The following FZD6 variants were observed in gnomAD, a reference collection of about 807,000 sequenced individuals.
The protein encoded by FZD6 is frizzled-6.
Under a neutral mutation model 61.4 loss-of-function variants are expected in FZD6, and 49 were observed. That is an observed-to-expected ratio of 0.80 (90% CI 0.63 to 1.01). FZD6 has a LOEUF of 1.01. FZD6 is among the 50% of genes least tolerant of loss of function. FZD6 has a pLI of 0.00. For synonymous variants in FZD6, 265 were observed against 292.2 expected, an observed-to-expected ratio of 0.91 and a Z score of 0.95; for missense variants, 724 against 848.2, an observed-to-expected ratio of 0.85 and a Z score of 1.82.
At chr8:103,312,590 T>G (rs1217426304) in intron 2 of FZD6, among the ~76,000 whole-genome samples, 1 of 152,200 alleles carries the variant, frequency 6.6e-6, no homozygotes, top group Non-Finnish European at 1.5e-5. Context: ...ATGAGTCATG[T>G]TAGATTTGGT....
In FZD6 at chr8:103,305,358, A is replaced by G. The variant is rs370837343; in HGVS notation, c.177+5074A>G. On this transcript the variant is annotated intron_variant, in intron 2 of 6. Transcript: ENST00000358755. ...ACAACTTTCCTTTCCACCTGTTAAT[A>G]TGTGCTGTTAGAATGTCTCTATTCA... is the stretch of plus-strand genomic sequence containing the variant. Among the ~76,000 whole-genome samples, 45 of 152,356 alleles carry G rather than the reference A, an allele frequency of 3.0e-4. 1 individual carries two copies. The highest frequency in any genetic ancestry group is 1.1e-3 in the African/African-American group (45 of 41,582).
At chr8:103,309,273 A>G (rs1344888639) in intron 2 of FZD6, among the ~76,000 whole-genome samples, 3 of 152,208 alleles carry the variant, frequency 2.0e-5, no homozygotes, top group Non-Finnish European at 4.4e-5. Flanking sequence ...GTTGGCAAAG[A>G]TATGCTGCTG....
At chr8:103,311,729 C>A (rs1175087244) in intron 2 of FZD6, among the ~76,000 whole-genome samples, 1 of 148,468 alleles carries the variant, frequency 6.7e-6, no homozygotes, top group Non-Finnish European at 1.5e-5. Flanking sequence ...GAGAAAATTT[C>A]ACCATAGCAC....
chr8:103,318,349 GTTTGT>G (rs1814688533), intron 2 of FZD6, among the ~76,000 whole-genome samples: 2 of 152,156 alleles, frequency 1.3e-5, no homozygotes, highest in Non-Finnish European at 2.9e-5. Flanking sequence ...ACAATGTGGA[GTTTGT>G]TGGTGACTCT....
At chr8:103,323,298 T>C (rs1814846058) in intron 3 of FZD6, among the ~76,000 whole-genome samples, 1 of 151,396 alleles carries the variant, frequency 6.6e-6, no homozygotes, top group South Asian at 2.1e-4. Flanking sequence ...TTAAAAGATA[T>C]AAAGCAAAAT....
intron 3 of FZD6, among the ~76,000 whole-genome samples, chr8:103,322,448 G>A (rs571516680): frequency 2.0e-5 from 3 of 151,564 alleles, no homozygotes; most frequent in Admixed American, 1.3e-4. Flanking sequence ...GGACCTTTCC[G>A]TGATAGTGAA....
At position 103,300,058 on chromosome 8, in the gene FZD6, C is replaced by A; in HGVS notation, c.-50C>A. ...TTTGGATGGGGATCTTCTGAGGATG[C>A]AAAGAGTGATTCATCCAAGCCATGT... On this transcript the variant is annotated 5_prime_UTR_variant, in exon 2 of 7. Transcript: ENST00000358755. 9.4e-7 allele frequency: 1 copy of A among 1,062,510 alleles called. No homozygotes were observed. Among genetic ancestry groups the A allele is most frequent in the Non-Finnish European group, 1.5e-6 (1 of 677,446 alleles). 65.8% of individuals were successfully genotyped at this position (1,062,510 alleles called of 1,614,324 possible).
chr8:103,318,014 C>T (rs1465244508), intron 2 of FZD6, among the ~76,000 whole-genome samples: 3 of 152,076 alleles, frequency 2.0e-5, no homozygotes, highest in African/African-American at 7.2e-5. Context: ...TGCCCATTAA[C>T]AGCCAAATGG....
At chr8:103,320,478 G>C (rs1010435081) in intron 3 of FZD6, among the ~76,000 whole-genome samples, 1 of 152,136 alleles carries the variant, frequency 6.6e-6, no homozygotes, top group African/African-American at 2.4e-5. Context: ...AGGATAATGA[G>C]AAGGGTGTTA....
Position 103,328,409 on chromosome 8 carries a change from A to AAG in FZD6, c.1541_1541+1dup. On this transcript the variant is annotated frameshift_variant, in exon 5 of 7. Transcript: ENST00000358755. LOFTEE classifies it high-confidence loss of function. ...GGCTGGGTTTTTTAAACGAAATCGC[A>AAG]AGAGAGAGTAAGAAACTATTGAATT... The AAG allele has an allele frequency of 6.2e-7, 1 of 1,609,666 alleles. No homozygotes were observed. Among genetic ancestry groups the AAG allele is most frequent in the Non-Finnish European group, 8.5e-7 (1 of 1,176,042 alleles).
Position 103,328,280 on chromosome 8 carries a change from G to A in FZD6, c.1405G>A (p.Ala469Thr). Reference protein sequence around the residue: ...IPCPYQAKAKARPELALFMIK... With the variant: ...IPCPYQAKAKTRPELALFMIK... ...CTATTTTTTGTAGGCAAAAGCAAAA[G>A]CTCGACCAGAATTGGCTTTATTTAT... Residue 469 changes from alanine (A) to threonine (T), a missense_variant, in exon 5 of 7, where the codon GCT (alanine) becomes ACT (threonine). Coordinates refer to ENST00000358755, the MANE Select transcript of FZD6 (RefSeq NM_003506.4). 6.2e-7 allele frequency: 1 copy of A among 1,611,222 alleles called. No homozygotes were observed. The highest frequency in any genetic ancestry group is 2.2e-5 in the East Asian group (1 of 44,790).
intron 2 of FZD6, among the ~76,000 whole-genome samples, chr8:103,303,629 C>G (rs931285233): frequency 6.6e-6 from 1 of 152,122 alleles, no homozygotes; most frequent in Non-Finnish European, 1.5e-5. Context: ...AATAAGGTAG[C>G]AAAGGGAATT....
chr8:103,331,585 C>T lies in FZD6; in HGVS notation c.*76C>T. 1 of 990,986 alleles carries T rather than the reference C, an allele frequency of 1.0e-6. No homozygotes were observed. The highest frequency in any genetic ancestry group is 1.9e-5 in the Admixed American group (1 of 52,048). 61.4% of individuals were successfully genotyped at this position (990,986 alleles called of 1,614,324 possible). A position where few individuals can be genotyped will look rare whatever the true frequency, so the allele number is the denominator to read the frequency against. On this transcript the variant is annotated 3_prime_UTR_variant, in exon 7 of 7. Coordinates refer to ENST00000358755, the MANE Select transcript of FZD6 (RefSeq NM_003506.4). The stretch of plus-strand genomic sequence containing the variant: ...GACCTATGCACTGTTTTGTAAGAAT[C>T]ACTGTTACATTCTTCTTTTGCACTT...
chr8:103,300,086 TA>T lies in FZD6; in HGVS notation c.-18del. Reference sequence around the variant, plus strand: ...AGAGTGATTCATCCAAGCCATGTGGTAAAATCAGGAATTTGAAGAAAATGGA... The same window carrying T: ...AGAGTGATTCATCCAAGCCATGTGGTAAATCAGGAATTTGAAGAAAATGGA... On this transcript the variant is annotated 5_prime_UTR_variant, in exon 2 of 7. The change abolishes the stop of an existing upstream ORF in the 5' untranslated region. Transcript: ENST00000358755. 6.8e-7 allele frequency: 1 copy of T among 1,474,512 alleles called. No individual in the cohort carries two copies. Among genetic ancestry groups the T allele is most frequent in the Non-Finnish European group, 9.5e-7 (1 of 1,052,428 alleles). 91.3% of individuals were successfully genotyped at this position (1,474,512 alleles called of 1,614,324 possible).
intron 2 of FZD6, among the ~76,000 whole-genome samples, chr8:103,308,125 C>T (rs571531683): frequency 1.3e-5 from 2 of 152,178 alleles, no homozygotes; most frequent in South Asian, 2.1e-4. Context: ...CTTCTGCCAC[C>T]ATGGCCGTTT....
chr8:103,330,003 G>A lies in FZD6; in HGVS notation c.1890G>A (p.Gly630=), dbSNP rs1815077418. The part of the protein sequence containing the change: ...SPAASISRLS[G]EQVDGKGQAG... ...CAGCATCCATCTCCAGACTCTCTGG[G>A]GAACAGGTCGACGGGAAGGGCCAGG... The change falls in exon 6 of 7, where the codon GGG becomes GGA. Residue 630 remains glycine, a synonymous_variant. Coordinates refer to ENST00000358755, the MANE Select transcript of FZD6 (RefSeq NM_003506.4). 1 of 1,613,762 alleles carries A rather than the reference G, an allele frequency of 6.2e-7. No homozygotes were observed. Among genetic ancestry groups the A allele is most frequent in the Admixed American group, 1.7e-5 (1 of 60,012 alleles).
chr8:103,305,381 T>A (rs1185956692), intron 2 of FZD6, among the ~76,000 whole-genome samples: 3 of 152,234 alleles, frequency 2.0e-5, no homozygotes, highest in Non-Finnish European at 2.9e-5. Flanking sequence ...ATGTCTCTAT[T>A]CAGTTAAAAA....
At chr8:103,327,209 C>T (rs756388612) in intron 4 of FZD6, among the ~76,000 whole-genome samples, 1 of 152,132 alleles carries the variant, frequency 6.6e-6, no homozygotes, top group Non-Finnish European at 1.5e-5. Context: ...ACATTATTTG[C>T]AAATGACAAT....
intron 2 of FZD6, among the ~76,000 whole-genome samples, chr8:103,307,462 C>A (rs1456867111): frequency 2.6e-5 from 4 of 152,158 alleles, no homozygotes; most frequent in African/African-American, 9.7e-5. Context: ...GACCTATATG[C>A]CCTCACAGAA....
Sources: allele counts gnomAD v4.1 joint callset (sites outside exome capture counted in the v4.1 genomes callset), GRCh38; gene constraint gnomAD v4.1.1; transcripts MANE v1.5; gene names NCBI Gene and HGNC (gene_info 2026-07-23, HGNC 2026-07-21).